TRERF1: variants seen among roughly 807,000 people sequenced by gnomAD.
TRERF1 encodes transcriptional regulating factor 1, also known as transcriptional-regulating factor 1.
TRERF1 carries 27 observed loss-of-function variants against 122.9 expected under a neutral mutation model. The ratio of observed to expected loss-of-function variants is 0.22; its 90% confidence interval spans 0.16 to 0.30. The LOEUF (loss-of-function observed/expected upper bound fraction) is 0.30. Among genes scored for constraint, TRERF1 ranks in the 10% least tolerant of loss-of-function variants. The probability of loss-of-function intolerance (pLI) is 1.00; values close to 1 mark genes in which losing one functional copy is unlikely to be tolerated. For synonymous variants in TRERF1, 636 were observed against 641.7 expected (o/e 0.99, Z 0.13); for missense variants, 1,248 against 1,560.3 (o/e 0.80, Z 3.37).
At chr6:42,363,760 G>T (rs1772218069) in intron 2 of TRERF1, among the ~76,000 whole-genome samples, 2 of 152,154 alleles carry the variant, frequency 1.3e-5, no homozygotes, top group African/African-American at 4.8e-5. Flanking sequence ...TGGAAGATTG[G>T]AGGTTTTCTG....
chr6:42,418,199 CCTT>C (rs1240606279), intron 2 of TRERF1, among the ~76,000 whole-genome samples: 3 of 109,250 alleles, frequency 2.7e-5, no homozygotes, highest in Non-Finnish European at 6.1e-5. Context: ...CTCTTTCTCT[CCTT>C]CTTTCTTTTT....
At chr6:42,260,565 A>G (rs961548820) in intron 8 of TRERF1, among the ~76,000 whole-genome samples, 5 of 152,204 alleles carry the variant, frequency 3.3e-5, no homozygotes, top group South Asian at 4.1e-4. Context: ...GTGTGGTAGC[A>G]TCAGCCCAGA....
intron 3 of TRERF1, among the ~76,000 whole-genome samples, chr6:42,317,346 GT>G (rs894548459): frequency 4.6e-5 from 7 of 150,584 alleles, no homozygotes; most frequent in African/African-American, 1.7e-4. Context: ...CTCCTCAGTA[GT>G]TTTTGTTTGT....
At position 42,276,770 on chromosome 6, in the gene TRERF1, C is replaced by T. The variant is rs1781218796; in HGVS notation, c.-258-6922G>A. On this transcript the variant is annotated intron_variant, in intron 4 of 17. Coordinates refer to ENST00000372922, the Ensembl canonical transcript of TRERF1. The surrounding 1 kb of genome is among the most constrained non-coding windows in gnomAD (Gnocchi z 4.3). ...CTCCTTCACAGCCCTGGCTTTCCTGCTGACTCTGGGCTGTGGGAGGATTTT... is the reference window on the plus strand; with the variant it reads ...CTCCTTCACAGCCCTGGCTTTCCTGTTGACTCTGGGCTGTGGGAGGATTTT... Among the ~76,000 whole-genome samples, 1 of 152,152 alleles carries T rather than the reference C, an allele frequency of 6.6e-6. No individual in the cohort carries two copies. Among genetic ancestry groups the T allele is most frequent in the African/African-American group, 2.4e-5 (1 of 41,424 alleles).
At chr6:42,334,247 C>T (rs1765753157) in intron 3 of TRERF1, among the ~76,000 whole-genome samples, 1 of 152,116 alleles carries the variant, frequency 6.6e-6, no homozygotes, top group African/African-American at 2.4e-5. Context: ...TTATGGAAAG[C>T]TTAAGACAGG....
intron 4 of TRERF1, among the ~76,000 whole-genome samples, chr6:42,274,340 C>T (rs1780779842): frequency 1.3e-5 from 2 of 152,038 alleles, no homozygotes. Flanking sequence ...ATTTCTGGGC[C>T]TAGAACAGTG....
Position 42,259,243 on chromosome 6 carries a change from A to T in TRERF1, c.2269+96T>A, listed in dbSNP as rs577555681. 427 of 1,423,318 alleles carry T rather than the reference A, an allele frequency of 3.0e-4. 4 individuals are homozygous for T. The South Asian group carries it at 6.4e-3, about 21-fold the overall frequency. 88.2% of individuals were successfully genotyped at this position (1,423,318 alleles called of 1,614,324 possible). On this transcript the variant is annotated intron_variant, in intron 9 of 17. Coordinates refer to ENST00000372922, the Ensembl canonical transcript of TRERF1. The surrounding 1 kb of genome is among the most constrained non-coding windows in gnomAD (Gnocchi z 4.9). ...CTACATACAGCCAATACTCCGCAAA[A>T]GTCTGTGGGATAAATGAGAAAGCTA...
In TRERF1 at chr6:42,359,487, A is replaced by G. The variant is rs534251966; in HGVS notation, c.-371+3510T>C. On this transcript the variant is annotated intron_variant, in intron 3 of 17. Coordinates refer to ENST00000372922, the Ensembl canonical transcript of TRERF1. Reference sequence around the variant, plus strand: ...ACGCCTATAATCCCAGCACTTTGGGAGGCTGAGGTGGGTGAATTATGAGGT... The same window carrying G: ...ACGCCTATAATCCCAGCACTTTGGGGGGCTGAGGTGGGTGAATTATGAGGT... Among the ~76,000 whole-genome samples the G allele has an allele frequency of 2.6e-4, 39 of 152,292 alleles. 1 individual carries two copies. In the South Asian group the frequency reaches 7.7e-3, roughly 30 times the overall value.
intron 3 of TRERF1, among the ~76,000 whole-genome samples, chr6:42,307,588 G>C (rs773012479): frequency 2.0e-4 from 31 of 152,108 alleles, no homozygotes; most frequent in Non-Finnish European, 3.8e-4. Context: ...GGACACCAGG[G>C]GGTGGGTCAT....
Position 42,228,583 on chromosome 6 carries a change from G to A in TRERF1, c.3365C>T (p.Ala1122Val), listed in dbSNP as rs768389349. 9 of 1,614,228 alleles carry A rather than the reference G, an allele frequency of 5.6e-6. No homozygotes were observed. The highest frequency in any genetic ancestry group is 1.1e-5 in the South Asian group (1 of 91,078). The change falls in exon 18 of 18, where the codon GCG becomes GTG. Residue 1122 changes from alanine (A) to valine (V), a missense_variant. Physicochemically the swap from Ala to Val is moderately conservative, Grantham distance 64. Coordinates refer to ENST00000372922, the Ensembl canonical transcript of TRERF1. This position sits in a 1 kb window ranked among gnomAD's most constrained non-coding sequence, Gnocchi z 4.2. ...GGCTGCCATCTCAGCTGCAAAAGCC[G>A]CCTTCTGAGCCTTTTGCCTCTGTTG...
intron 2 of TRERF1, among the ~76,000 whole-genome samples, chr6:42,442,206 A>G (rs1318831868): frequency 6.6e-6 from 1 of 152,016 alleles, no homozygotes. Context: ...AACAGAGGGA[A>G]CTCAAACGAC....
At chr6:42,302,244 A>T (rs1561945461) in intron 3 of TRERF1, among the ~76,000 whole-genome samples, 1 of 151,834 alleles carries the variant, frequency 6.6e-6, no homozygotes, top group Admixed American at 6.6e-5. Context: ...CTATAAAATG[A>T]TTTTTTTTTA....
At chr6:42,281,706 G>C (rs541620462) in intron 4 of TRERF1, among the ~76,000 whole-genome samples, 12 of 152,238 alleles carry the variant, frequency 7.9e-5, no homozygotes, top group African/African-American at 2.9e-4. Flanking sequence ...GTGTGGAGGC[G>C]GGTCACAGAG....
At chr6:42,258,652 G>A (rs867787350) in intron 9 of TRERF1, among the ~76,000 whole-genome samples, 3 of 152,176 alleles carry the variant, frequency 2.0e-5, no homozygotes, top group Non-Finnish European at 2.9e-5. Flanking sequence ...TCGGCTCACT[G>A]CAGCCTCCGC....
At chr6:42,408,820 A>G (rs1780693404) in intron 2 of TRERF1, among the ~76,000 whole-genome samples, 1 of 152,170 alleles carries the variant, frequency 6.6e-6, no homozygotes, top group South Asian at 2.1e-4. Flanking sequence ...GCTTCCTCTG[A>G]GTTTTAAGAG....
intron 4 of TRERF1, among the ~76,000 whole-genome samples, chr6:42,283,602 T>C (rs904803988): frequency 6.7e-6 from 1 of 149,894 alleles, no homozygotes. Flanking sequence ...GAATAACATA[T>C]GAAAAAAACT....
At chr6:42,258,605 C>T (rs1777192617) in intron 9 of TRERF1, among the ~76,000 whole-genome samples, 1 of 152,220 alleles carries the variant, frequency 6.6e-6, no homozygotes, top group Admixed American at 6.5e-5. Flanking sequence ...GACGGAGTCT[C>T]GCTCCTTCGC....
intron 2 of TRERF1, among the ~76,000 whole-genome samples, chr6:42,438,012 C>G (rs893504064): frequency 6.6e-6 from 1 of 151,946 alleles, no homozygotes; most frequent in African/African-American, 2.4e-5. Context: ...ATCTTCGCCT[C>G]CCAGGTTCAA....
intron 2 of TRERF1, among the ~76,000 whole-genome samples, chr6:42,444,830 T>G (rs1787178832): frequency 6.6e-6 from 1 of 152,164 alleles, no homozygotes; most frequent in Non-Finnish European, 1.5e-5. Flanking sequence ...TCGCCTTTCA[T>G]CATCAAATTT....
Sources: allele counts gnomAD v4.1 joint callset (sites outside exome capture counted in the v4.1 genomes callset), GRCh38; gene constraint gnomAD v4.1.1; non-coding constraint Gnocchi (gnomAD v3.1); transcripts MANE v1.5; gene names NCBI Gene and HGNC (gene_info 2026-07-23, HGNC 2026-07-21).